Variants in CENPE observed in about 807,000 individuals in gnomAD.
The protein encoded by CENPE is centromere-associated protein E.
In CENPE, 145 loss-of-function variants were observed where a neutral mutation model predicts 336.1. The ratio of observed to expected loss-of-function variants is 0.43; its 90% CI spans 0.38 to 0.50. CENPE has a LOEUF of 0.50. CENPE is among the 20% of genes least tolerant of loss of function. The pLI is 0.00. For synonymous variants in CENPE, 1,013 were observed against 984.8 expected, an observed-to-expected ratio of 1.03 and a Z score of -0.54; for missense variants, 2,719 against 3,023.3, an observed-to-expected ratio of 0.90 and a Z score of 2.36.
chr4:103,142,767 T>C (rs528136217), intron 34 of CENPE, among the ~76,000 whole-genome samples: 1 of 152,264 alleles, frequency 6.6e-6, no homozygotes, highest in Admixed American at 6.5e-5. Context: ...CCCAGCACTT[T>C]GGGAGGCCGA....
In CENPE at chr4:103,154,989, C is replaced by T. The variant is rs547631408; in HGVS notation, c.3034-1739G>A. Among the ~76,000 whole-genome samples the T allele has an allele frequency of 2.6e-5, 4 of 152,202 alleles. No individual in the cohort carries two copies. The South Asian group carries it at 8.3e-4, about 32-fold the overall frequency. On this transcript the variant is annotated intron_variant, in intron 24 of 48. Transcript: ENST00000265148. ...AATCCCCATTTCCACTCTTTTATTC[C>T]CATGGCAGATTCCAGCATGAGCATG... is the stretch of plus-strand genomic sequence containing the variant.
intron 42 of CENPE, 43 bp downstream of exon 42, chr4:103,132,650 C>T (rs764002252): frequency 9.7e-7 from 1 of 1,030,754 alleles, no homozygotes; most frequent in Non-Finnish European, 1.4e-6. Flanking sequence ...ACAATTAAAG[C>T]AAACAGCAAC....
intron 42 of CENPE, among the ~76,000 whole-genome samples, chr4:103,131,838 T>C (rs1054477810): frequency 6.6e-6 from 1 of 152,148 alleles, no homozygotes; most frequent in Non-Finnish European, 1.5e-5. Context: ...AAGTGAAAGT[T>C]GTCAACCTGA....
At chr4:103,124,013 C>T (rs971521739) in intron 42 of CENPE, among the ~76,000 whole-genome samples, 7 of 152,124 alleles carry the variant, frequency 4.6e-5, no homozygotes, top group Non-Finnish European at 8.8e-5. Context: ...ATAACTTTTA[C>T]TATAGTATAT....
At chr4:103,182,938 T>A in intron 10 of CENPE, 47 bp from the exon 11 acceptor site, 2 of 1,563,098 alleles carry the variant, frequency 1.3e-6, no homozygotes, top group Middle Eastern at 1.7e-4. Context: ...AGAACGTTTA[T>A]ATAATAAAGT....
In CENPE at chr4:103,136,146, G is replaced by A. The variant is rs1252114807; in HGVS notation, c.6517C>T (p.Leu2173=). 6.2e-7 allele frequency: 1 copy of A among 1,610,026 alleles called. No homozygotes were observed. Among genetic ancestry groups the A allele is most frequent in the Non-Finnish European group, 8.5e-7 (1 of 1,178,372 alleles). Residue 2173 remains leucine (L), a synonymous_variant, in exon 40 of 49, where the codon CTG becomes TTG. Transcript: ENST00000265148. ...ATTACTAAAAAAGATGGTACCTTCA[G>A]TTTCTTCATGATTCTGTGGAATTCC... ...SMEFHRIMKK[L]KYVLSYVTKI...
chr4:103,111,469 A>G (rs534236946), intron 46 of CENPE, among the ~76,000 whole-genome samples: 1 of 152,352 alleles, frequency 6.6e-6, no homozygotes, highest in South Asian at 2.1e-4. Flanking sequence ...ATATGTTACA[A>G]TAATATTAAA....
In CENPE at chr4:103,143,367, G is replaced by A; in HGVS notation, c.5185C>T (p.His1729Tyr). ...ATAGTTTCTTGGTGCTCCTTCAGAT[G>A]CATGTGAACAATTTTTAGCTCCTCT... is the stretch of plus-strand genomic sequence containing the variant. ...KQEELKIVHM[H>Y]LKEHQETIDK... Residue 1729 changes from histidine (H) to tyrosine (Y), a missense_variant, in exon 34 of 49, where the codon CAT (histidine) becomes TAT (tyrosine). His to Tyr is a moderately conservative substitution (Grantham distance 83). Coordinates refer to ENST00000265148, the MANE Select transcript of CENPE (RefSeq NM_001813.3). 6.2e-7 allele frequency: 1 copy of A among 1,604,116 alleles called. No homozygotes were observed. The highest frequency in any genetic ancestry group is 8.5e-7 in the Non-Finnish European group (1 of 1,173,576).
intron 12 of CENPE, 104 bp from the exon 13 acceptor site, chr4:103,180,573 A>C (rs916838281): frequency 2.7e-5 from 19 of 693,606 alleles, no homozygotes; most frequent in Admixed American, 1.4e-4. Context: ...TATGAACTAT[A>C]AGAATTTTAA....
Position 103,153,043 on chromosome 4 carries a change from C to G in CENPE, c.3237+4G>C, listed in dbSNP as rs914372322. 1.4e-5 allele frequency: 22 copies of G among 1,602,808 alleles called. No homozygotes were observed. The highest frequency in any genetic ancestry group is 1.8e-5 in the Non-Finnish European group (21 of 1,173,442). ...AATGCCAAGTATACAGTGCTAAATC[C>G]TACCATTTCAATATTTTCCTTTAGG... is the stretch of plus-strand genomic sequence containing the variant. On this transcript the variant is annotated splice_donor_region_variant and intron_variant, in intron 25 of 48. Transcript: ENST00000265148.
intron 42 of CENPE, among the ~76,000 whole-genome samples, chr4:103,129,672 C>T (rs548221511): frequency 2.6e-5 from 4 of 151,790 alleles, no homozygotes; most frequent in South Asian, 4.2e-4. Context: ...TGCCGTGTGC[C>T]GAGATTGTGC....
At chr4:103,186,905 T>C (rs1404429022) in intron 8 of CENPE, among the ~76,000 whole-genome samples, 1 of 151,998 alleles carries the variant, frequency 6.6e-6, no homozygotes, top group Non-Finnish European at 1.5e-5. Flanking sequence ...CCAAAACACT[T>C]AGTCACAAAG....
chr4:103,113,525 TATATA>T (rs1262686161), intron 46 of CENPE, among the ~76,000 whole-genome samples: 5 of 139,952 alleles, frequency 3.6e-5, no homozygotes, highest in African/African-American at 1.3e-4. Context: ...ATATATATTA[TATATA>T]ATATATAACT....
intron 16 of CENPE, among the ~76,000 whole-genome samples, chr4:103,167,712 C>T (rs1755041414): frequency 6.6e-6 from 1 of 152,198 alleles, no homozygotes; most frequent in South Asian, 2.1e-4. Flanking sequence ...TTTGAGAGTG[C>T]ATACCAACAC....
chr4:103,136,023 C>A, intron 40 of CENPE, 118 bp downstream of exon 40: 1 of 829,778 alleles, frequency 1.2e-6, no homozygotes, highest in East Asian at 2.6e-5. Flanking sequence ...CCCACATAAT[C>A]TTTAATTTGG....
intron 45 of CENPE, among the ~76,000 whole-genome samples, chr4:103,115,543 A>G (rs1382333596): frequency 2.6e-5 from 4 of 152,204 alleles, no homozygotes; most frequent in Non-Finnish European, 5.9e-5. Context: ...TTCCAATGCT[A>G]CTTCCTGGGC....
intron 8 of CENPE, among the ~76,000 whole-genome samples, chr4:103,190,504 C>T (rs533607601): frequency 2.0e-5 from 3 of 152,206 alleles, no homozygotes; most frequent in African/African-American, 7.2e-5. Flanking sequence ...CTACAACTAT[C>T]TGATCTTTGA....
At chr4:103,159,853 C>A (rs977026965) in intron 21 of CENPE, among the ~76,000 whole-genome samples, 3 of 151,456 alleles carry the variant, frequency 2.0e-5, no homozygotes, top group Admixed American at 6.6e-5. Flanking sequence ...ATTTAAATAA[C>A]CCATATCTTG....
Position 103,151,406 on chromosome 4 carries a change from AG to A in CENPE, c.3238-30del, listed in dbSNP as rs1171305663. On this transcript the variant is annotated intron_variant, in intron 25 of 48. Coordinates refer to ENST00000265148, the MANE Select transcript of CENPE (RefSeq NM_001813.3). Reference sequence around the variant, plus strand: ...GAAAGAAAAAAAAAGTTGAGATTAAAGTAAATATTAGCTAACATTTATGAAA... The same window carrying A: ...GAAAGAAAAAAAAAGTTGAGATTAAATAAATATTAGCTAACATTTATGAAA... The A allele has an allele frequency of 2.0e-6, 3 of 1,472,350 alleles. No homozygotes were observed. The Admixed American group carries it at 7.7e-5, about 38-fold the overall frequency. 91.2% of individuals were successfully genotyped at this position (1,472,350 alleles called of 1,614,324 possible).
Sources: gnomAD v4.1 joint callset for allele counts (sites outside exome capture counted in the v4.1 genomes callset) on GRCh38, gnomAD v4.1.1 for gene constraint, MANE v1.5 for transcripts, NCBI Gene and HGNC (gene_info 2026-07-23, HGNC 2026-07-21) for gene names.